Variants in APPBP2 observed in about 807,000 individuals in gnomAD.
APPBP2 encodes amyloid protein-binding protein 2.
APPBP2 carries 15 observed loss-of-function variants against 76.0 expected under a neutral mutation model. The ratio of observed to expected loss-of-function variants is 0.20; its 90% CI spans 0.13 to 0.30. The LOEUF (loss-of-function observed/expected upper bound fraction) is 0.30, where lower values mean the gene tolerates loss of function less well. Among genes scored for constraint, APPBP2 ranks in the 10% least tolerant of loss-of-function variants. APPBP2 has a pLI of 1.00. For missense variants in APPBP2, 401 were observed against 687.2 expected, an observed-to-expected ratio of 0.58 and a Z score of 4.66; for synonymous variants, 222 against 242.2, an observed-to-expected ratio of 0.92 and a Z score of 0.77.
intron 1 of APPBP2, among the ~76,000 whole-genome samples, chr17:60,520,590 A>AAAAC (rs1555637034): frequency 1.3e-5 from 2 of 149,342 alleles, no homozygotes; most frequent in African/African-American, 5.1e-5. Flanking sequence ...AAAAAAAAAA[A>AAAAC]ATTAAGATTG....
In APPBP2 at chr17:60,479,347, AT is replaced by A; in HGVS notation, c.380-77del. The A allele has an allele frequency of 2.2e-6, 3 of 1,387,960 alleles. No individual in the cohort carries two copies. In the South Asian group the frequency reaches 4.2e-5, roughly 20 times the overall value. 86.0% of individuals were successfully genotyped at this position (1,387,960 alleles called of 1,614,324 possible). On this transcript the variant is annotated intron_variant, in intron 3 of 12. Coordinates refer to ENST00000083182, the MANE Select transcript of APPBP2 (RefSeq NM_006380.5). ...AGATAAAATGACATGCTGACAGTGA[AT>A]ATTACCTAAATTAAAAATAAACCAT...
Position 60,454,506 on chromosome 17 carries a change from C to T in APPBP2, c.1148-14G>A, listed in dbSNP as rs771272072. On this transcript the variant is annotated splice_polypyrimidine_tract_variant and intron_variant, in intron 10 of 12. Transcript: ENST00000083182. ...CTAAAATAAGTGCTAAAAAAGAAGG[C>T]AATAAATTAGTGTACTTCAAAACCA... 16 of 1,558,752 alleles carry T rather than the reference C, an allele frequency of 1.0e-5. No individual in the cohort carries two copies. The highest frequency in any genetic ancestry group is 1.1e-5 in the Non-Finnish European group (13 of 1,152,324).
At chr17:60,462,610 T>C (rs1423755547) in intron 6 of APPBP2, 2 of 152,326 alleles carry the variant, frequency 1.3e-5, no homozygotes, top group Non-Finnish European at 2.9e-5. Flanking sequence ...TCCATGATTA[T>C]AGCTAGGCAT....
intron 3 of APPBP2, among the ~76,000 whole-genome samples, chr17:60,493,644 CT>C (rs551786086): frequency 0.084 from 10,771 of 128,382 alleles, 1,333 homozygotes; most frequent in African/African-American, 0.3. Context: ...TTTTTTTTTT[CT>C]TTTTTTTTTT....
Position 60,489,119 on chromosome 17 carries a change from G to A in APPBP2, c.379+5347C>T, listed in dbSNP as rs1266322583. ...TGCCTATAATCCCAGCTACTCGGGA[G>A]GCTGAGGCAGGAGAATGGCTTGAAC... On this transcript the variant is annotated intron_variant, in intron 3 of 12. Coordinates refer to ENST00000083182, the MANE Select transcript of APPBP2 (RefSeq NM_006380.5). Among the ~76,000 whole-genome samples the A allele has an allele frequency of 2.0e-5, 3 of 152,026 alleles. No homozygotes were observed. The East Asian group carries it at 5.8e-4, about 29-fold the overall frequency.
chr17:60,511,402 T>A (rs912935918), intron 1 of APPBP2, among the ~76,000 whole-genome samples: 6 of 151,876 alleles, frequency 4.0e-5, no homozygotes, highest in African/African-American at 1.5e-4. Flanking sequence ...CTGGCCAACA[T>A]GGTGAAACCC....
At chr17:60,462,882 C>G (rs367710703) in intron 6 of APPBP2, among the ~76,000 whole-genome samples, 1 of 147,402 alleles carries the variant, frequency 6.8e-6, no homozygotes, top group Non-Finnish European at 1.5e-5. Context: ...CCCTGGGGGG[C>G]GGAGCCTGCA....
At chr17:60,517,473 C>T (rs1459594941) in intron 1 of APPBP2, among the ~76,000 whole-genome samples, 2 of 152,150 alleles carry the variant, frequency 1.3e-5, no homozygotes, top group Non-Finnish European at 2.9e-5. Context: ...CTTTGAGATC[C>T]AAATTAATCT....
intron 1 of APPBP2, among the ~76,000 whole-genome samples, chr17:60,505,471 A>G (rs2143466853): frequency 6.6e-6 from 1 of 152,010 alleles, no homozygotes; most frequent in Non-Finnish European, 1.5e-5. Context: ...GCCTGCCACC[A>G]TGGCCAGCTC....
At chr17:60,473,521 A>G (rs1167430468) in intron 4 of APPBP2, among the ~76,000 whole-genome samples, 1 of 152,182 alleles carries the variant, frequency 6.6e-6, no homozygotes, top group African/African-American at 2.4e-5. Flanking sequence ...AAACACTTAT[A>G]ATTTATATTT....
chr17:60,454,388 T>C lies in APPBP2; in HGVS notation c.1252A>G (p.Lys418Glu). The C allele has an allele frequency of 6.2e-7, 1 of 1,612,854 alleles. No individual in the cohort carries two copies. The highest frequency in any genetic ancestry group is 8.5e-7 in the Non-Finnish European group (1 of 1,179,338). ...ACATTAAATTCCCCAAAAGCTTTTT[T>C]AGCTAGTTGGAGTGAAGACAGGTGC... ...DLHLSSLQLA[K>E]KAFGEFNVQT... The change falls in exon 11 of 13, where the codon AAA becomes GAA. Residue 418 changes from lysine to glutamate, a missense_variant. Lys to Glu is a moderately conservative substitution (Grantham distance 56). Transcript: ENST00000083182.
chr17:60,525,999 A>T lies in APPBP2; in HGVS notation c.-68T>A. On this transcript the variant is annotated 5_prime_UTR_variant, in exon 1 of 13. Coordinates refer to ENST00000083182, the MANE Select transcript of APPBP2 (RefSeq NM_006380.5). Reference sequence around the variant, plus strand: ...AAGGCCCCCACCTCCCTCCGTAGCGAACCCCTCTGCGGCCCCGGAGGATTC... The same window carrying T: ...AAGGCCCCCACCTCCCTCCGTAGCGTACCCCTCTGCGGCCCCGGAGGATTC... The T allele has an allele frequency of 6.8e-7, 1 of 1,471,420 alleles. No homozygotes were observed. Among genetic ancestry groups the T allele is most frequent in the Non-Finnish European group, 9.2e-7 (1 of 1,086,640 alleles). The allele number at this position is 1,471,420 out of a possible 1,614,324, so 91.1% of individuals were successfully genotyped here.
chr17:60,516,756 G>A (rs2090967159), intron 1 of APPBP2, among the ~76,000 whole-genome samples: 1 of 152,122 alleles, frequency 6.6e-6, no homozygotes, highest in African/African-American at 2.4e-5. Context: ...AGTAGATAAT[G>A]CTGCTTTTCC....
At position 60,525,945 on chromosome 17, in the gene APPBP2, T is replaced by C. The variant is rs1421990650; in HGVS notation, c.-14A>G. On this transcript the variant is annotated 5_prime_UTR_variant, in exon 1 of 13. Coordinates refer to ENST00000083182, the MANE Select transcript of APPBP2 (RefSeq NM_006380.5). The stretch of plus-strand genomic sequence containing the variant: ...CACGGCCGCCATCTTCCTTCCCTCC[T>C]CCTCCGCCTCCTCCGCCTCCTCCTC... 6.4e-7 allele frequency: 1 copy of C among 1,555,558 alleles called. No homozygotes were observed. Among genetic ancestry groups the C allele is most frequent in the Non-Finnish European group, 8.7e-7 (1 of 1,148,004 alleles).
At chr17:60,513,278 G>T in intron 1 of APPBP2, 1 of 483,160 alleles carries the variant, frequency 2.1e-6, no homozygotes, top group Non-Finnish European at 3.9e-6. Context: ...CACAATCACA[G>T]CTCAATCAAT....
At chr17:60,498,961 TATGAA>T (rs1339479613) in intron 2 of APPBP2, among the ~76,000 whole-genome samples, 2 of 152,186 alleles carry the variant, frequency 1.3e-5, no homozygotes, top group Non-Finnish European at 2.9e-5. Context: ...TAATCATATT[TATGAA>T]ATAATTTCTA....
intron 1 of APPBP2, among the ~76,000 whole-genome samples, chr17:60,504,683 T>C (rs2090852437): frequency 1.3e-5 from 2 of 152,160 alleles, no homozygotes; most frequent in African/African-American, 4.8e-5. Context: ...CATGGCTGCG[T>C]GTCCCAGGTA....
chr17:60,485,006 G>A (rs1447188946), intron 3 of APPBP2, among the ~76,000 whole-genome samples: 3 of 152,086 alleles, frequency 2.0e-5, no homozygotes, highest in Admixed American at 6.6e-5. Flanking sequence ...TATGGATTAC[G>A]TTTATTGATT....
rs2090964391 is a variant in APPBP2 at position 60,516,400 on chromosome 17, CA to C, written c.138+9393del. 2.6e-5 allele frequency among the ~76,000 whole-genome samples: 4 copies of C among 152,158 alleles called. No homozygotes were observed. The South Asian group carries it at 8.3e-4, about 31-fold the overall frequency. Reference sequence around the variant, plus strand: ...TTTTTGGATCTAACTACTTAATAAACAGAACTGTCAGGTATTTCTTTTGGCC... The same window carrying C: ...TTTTTGGATCTAACTACTTAATAAACGAACTGTCAGGTATTTCTTTTGGCC... On this transcript the variant is annotated intron_variant, in intron 1 of 12. Transcript: ENST00000083182.
Sources: allele counts gnomAD v4.1 joint callset (sites outside exome capture counted in the v4.1 genomes callset), GRCh38; gene constraint gnomAD v4.1.1; transcripts MANE v1.5; gene names NCBI Gene and HGNC (gene_info 2026-07-23, HGNC 2026-07-21).